Variants in ZCCHC7 observed in about 807,000 individuals in gnomAD.
ZCCHC7 encodes zinc finger CCHC domain-containing protein 7.
Under a neutral mutation model 52.0 loss-of-function variants are expected in ZCCHC7, and 35 were observed. The observed-to-expected ratio is 0.67, with a 90% confidence interval of 0.51 to 0.89. The LOEUF is 0.89. ZCCHC7 is among the 40% of genes least tolerant of loss of function. The probability of loss-of-function intolerance (pLI) is 0.00; values close to 1 mark genes in which losing one functional copy is unlikely to be tolerated. For synonymous variants in ZCCHC7, 217 were observed against 221.5 expected (o/e 0.98, Z 0.18); for missense variants, 574 against 649.1 (o/e 0.88, Z 1.26).
chr9:37,210,048 A>G (rs1240567097), intron 2 of ZCCHC7, among the ~76,000 whole-genome samples: 2 of 150,880 alleles, frequency 1.3e-5, no homozygotes, highest in Non-Finnish European at 2.9e-5. Context: ...TTGGCTTCAG[A>G]GTGAGCAAGC....
chr9:37,287,821 G>T (rs1024459136), intron 2 of ZCCHC7, among the ~76,000 whole-genome samples: 1 of 151,692 alleles, frequency 6.6e-6, no homozygotes, highest in South Asian at 2.1e-4. Context: ...TGTAACAAAT[G>T]TGAAGGTTTT....
At chr9:37,140,148 T>A (rs537948227) in intron 2 of ZCCHC7, among the ~76,000 whole-genome samples, 1 of 152,118 alleles carries the variant, frequency 6.6e-6, no homozygotes, top group South Asian at 2.1e-4. Context: ...CTTAATCCTG[T>A]ACTAGCCAGT....
At chr9:37,258,005 G>C (rs1826671533) in intron 2 of ZCCHC7, among the ~76,000 whole-genome samples, 2 of 152,108 alleles carry the variant, frequency 1.3e-5, no homozygotes, top group Admixed American at 1.3e-4. Flanking sequence ...GTAAGATTAG[G>C]AACTATACTT....
In ZCCHC7 at chr9:37,279,339, G is replaced by A. The variant is rs554712139; in HGVS notation, c.611-22849G>A. ...AAGTTTTTTACATTTTTCATAAATTGTATGATATTAACTCTGAAATGTTAA... is the reference window on the plus strand; with the variant it reads ...AAGTTTTTTACATTTTTCATAAATTATATGATATTAACTCTGAAATGTTAA... On this transcript the variant is annotated intron_variant, in intron 2 of 8. Transcript: ENST00000336755. Among the ~76,000 whole-genome samples the A allele has an allele frequency of 2.5e-4, 38 of 151,674 alleles. No homozygotes were observed. The East Asian group carries it at 3.7e-3, about 15-fold the overall frequency.
At chr9:37,133,105 G>T (rs1396792194) in intron 2 of ZCCHC7, among the ~76,000 whole-genome samples, 1 of 152,174 alleles carries the variant, frequency 6.6e-6, no homozygotes, top group Non-Finnish European at 1.5e-5. Context: ...CTGCATTCTA[G>T]CCTGGGCGAC....
intron 2 of ZCCHC7, among the ~76,000 whole-genome samples, chr9:37,164,418 C>T (rs1022470105): frequency 1.3e-5 from 2 of 151,382 alleles, no homozygotes; most frequent in Non-Finnish European, 2.9e-5. Flanking sequence ...GCACTCCAGC[C>T]GGGGTGACGG....
rs201130697 is a variant in ZCCHC7, at chr9:37,126,636, A to G, written c.304A>G (p.Arg102Gly). ...TTTGTCTGATGAAGACAGTATTTAT[A>G]GATGTAAAGGAAAGAATGTTAGAGT... ...ITLSDEDSIY[R>G]CKGKNVRVQA... The change falls in exon 2 of 9, where the codon AGA becomes GGA. Residue 102 changes from arginine to glycine, a missense_variant. Coordinates refer to ENST00000336755, the MANE Select transcript of ZCCHC7 (RefSeq NM_032226.3). 50 of 1,614,060 alleles carry G rather than the reference A, an allele frequency of 3.1e-5. No individual in the cohort carries two copies. The highest frequency in any genetic ancestry group is 4.0e-5 in the Non-Finnish European group (47 of 1,180,030).
At chr9:37,226,812 C>G (rs554875598) in intron 2 of ZCCHC7, among the ~76,000 whole-genome samples, 1 of 152,038 alleles carries the variant, frequency 6.6e-6, no homozygotes, top group Non-Finnish European at 1.5e-5. Context: ...GGGTGGATCA[C>G]GAGCTCAGGA....
chr9:37,152,669 CAG>C (rs750943407), intron 2 of ZCCHC7, among the ~76,000 whole-genome samples: 13 of 152,244 alleles, frequency 8.5e-5, no homozygotes, highest in Non-Finnish European at 1.2e-4. Flanking sequence ...GGGAGGAAGA[CAG>C]AAATAAAGTA....
chr9:37,142,758 G>A (rs1843284049), intron 2 of ZCCHC7, among the ~76,000 whole-genome samples: 1 of 151,578 alleles, frequency 6.6e-6, no homozygotes, highest in Admixed American at 6.6e-5. Context: ...AAGGTGTATT[G>A]TAATTTTATA....
chr9:37,224,281 CA>C (rs976485886), intron 2 of ZCCHC7, among the ~76,000 whole-genome samples: 9 of 151,994 alleles, frequency 5.9e-5, no homozygotes, highest in African/African-American at 2.2e-4. Context: ...TAATTGTTAC[CA>C]AAAGCCTTAA....
chr9:37,331,782 T>A (rs2118257692), intron 6 of ZCCHC7, among the ~76,000 whole-genome samples: 1 of 151,748 alleles, frequency 6.6e-6, no homozygotes, highest in Non-Finnish European at 1.5e-5. Flanking sequence ...TGAGAGGTCC[T>A]TGGCTACATA....
intron 2 of ZCCHC7, among the ~76,000 whole-genome samples, chr9:37,177,092 A>C (rs1822078348): frequency 6.6e-6 from 1 of 152,240 alleles, no homozygotes; most frequent in Non-Finnish European, 1.5e-5. Context: ...CTGTAATCCC[A>C]GCACTTTGGG....
At chr9:37,317,053 G>A (rs1488198499) in intron 5 of ZCCHC7, among the ~76,000 whole-genome samples, 12 of 152,026 alleles carry the variant, frequency 7.9e-5, no homozygotes, top group African/African-American at 2.7e-4. Context: ...GAAGACAGAC[G>A]AAAAGCACTG....
chr9:37,246,703 G>A (rs1826094718), intron 2 of ZCCHC7, among the ~76,000 whole-genome samples: 1 of 151,966 alleles, frequency 6.6e-6, no homozygotes, highest in African/African-American at 2.4e-5. Flanking sequence ...TGTGCAGTTG[G>A]CTCTCGGTAT....
At chr9:37,213,929 G>T (rs1037372330) in intron 2 of ZCCHC7, among the ~76,000 whole-genome samples, 1 of 152,018 alleles carries the variant, frequency 6.6e-6, no homozygotes, top group Non-Finnish European at 1.5e-5. Flanking sequence ...GGGAATCGGA[G>T]ATGATAGATA....
chr9:37,200,431 C>T (rs1823573458), intron 2 of ZCCHC7, among the ~76,000 whole-genome samples: 1 of 152,156 alleles, frequency 6.6e-6, no homozygotes, highest in East Asian at 1.9e-4. Context: ...TATTCCTTAC[C>T]CATAACAAAT....
chr9:37,293,487 AT>A, intron 2 of ZCCHC7, among the ~76,000 whole-genome samples: 1 of 152,282 alleles, frequency 6.6e-6, no homozygotes, highest in Non-Finnish European at 1.5e-5. Flanking sequence ...TCTTGATTAG[AT>A]TTAAATGGGT....
chr9:37,318,440 A>G (rs1829916481), intron 5 of ZCCHC7, among the ~76,000 whole-genome samples: 1 of 151,824 alleles, frequency 6.6e-6, no homozygotes, highest in Non-Finnish European at 1.5e-5. Flanking sequence ...TAGCCTGGAC[A>G]AGAAGAACGA....
Sources: gnomAD v4.1 joint callset for allele counts (sites outside exome capture counted in the v4.1 genomes callset) on GRCh38, gnomAD v4.1.1 for gene constraint, MANE v1.5 for transcripts, NCBI Gene and HGNC (gene_info 2026-07-23, HGNC 2026-07-21) for gene names.